The following MAST4 variants were observed in gnomAD, a reference collection of about 807,000 sequenced individuals.
The protein encoded by MAST4 is microtubule-associated serine/threonine-protein kinase 4.
A neutral mutation model predicts 162.7 loss-of-function variants in MAST4; 89 were observed. The observed-to-expected ratio is 0.55, with a 90% CI of 0.46 to 0.65. The LOEUF is 0.65. MAST4 is among the 30% of genes least tolerant of loss of function. MAST4 has a pLI of 0.00. For missense variants in MAST4, 3,153 were observed against 3,374.0 expected (o/e 0.93, Z 1.62); for synonymous variants, 1,479 against 1,361.1 (o/e 1.09, Z -1.91).
intron 1 of MAST4, among the ~76,000 whole-genome samples, chr5:66,615,419 A>G (rs578019260): frequency 7.2e-5 from 11 of 152,286 alleles, no homozygotes; most frequent in Non-Finnish European, 1.6e-4. Flanking sequence ...TTTTGGCAGC[A>G]AGCACAACAG....
intron 4 of MAST4, among the ~76,000 whole-genome samples, chr5:67,019,025 T>A (rs1310218871): frequency 6.6e-6 from 1 of 152,210 alleles, no homozygotes; most frequent in Non-Finnish European, 1.5e-5. Context: ...CACACATGTG[T>A]GCATGCATAC....
At chr5:66,670,100 G>A (rs1046081494) in intron 1 of MAST4, among the ~76,000 whole-genome samples, 11 of 152,322 alleles carry the variant, frequency 7.2e-5, no homozygotes, top group Non-Finnish European at 1.0e-4. Flanking sequence ...CGAAGGTGTG[G>A]CAATTAACCT....
At chr5:67,047,950 G>T (rs573661453) in intron 4 of MAST4, among the ~76,000 whole-genome samples, 1 of 152,294 alleles carries the variant, frequency 6.6e-6, no homozygotes, top group East Asian at 1.9e-4. Context: ...TGCCTAGAAA[G>T]AAAGGGTCGA....
At chr5:67,104,650 T>G in intron 10 of MAST4, 75 bp downstream of exon 10, 1 of 1,189,168 alleles carries the variant, frequency 8.4e-7, no homozygotes, top group Admixed American at 2.2e-5. Context: ...TGCTTACAAG[T>G]TATAACCATG....
intron 13 of MAST4, among the ~76,000 whole-genome samples, chr5:67,120,418 AT>A (rs1349728297): frequency 6.6e-6 from 1 of 152,210 alleles, no homozygotes; most frequent in African/African-American, 2.4e-5. Context: ...GCATGAGAGA[AT>A]TTTTTTAAAG....
intron 3 of MAST4, among the ~76,000 whole-genome samples, chr5:66,830,349 A>C (rs1757517473): frequency 6.6e-6 from 1 of 152,146 alleles, no homozygotes; most frequent in Non-Finnish European, 1.5e-5. Context: ...TGTGAGGGGC[A>C]TGGTTTTCAT....
At chr5:66,942,591 TG>T (rs1254145346) in intron 4 of MAST4, among the ~76,000 whole-genome samples, 2 of 152,142 alleles carry the variant, frequency 1.3e-5, no homozygotes, top group Admixed American at 1.3e-4. Context: ...TATGAGAATG[TG>T]GGTGAAAGAG....
At chr5:66,802,860 G>GTGTAAT in intron 3 of MAST4, among the ~76,000 whole-genome samples, 1 of 152,120 alleles carries the variant, frequency 6.6e-6, no homozygotes. Flanking sequence ...AATGACCACT[G>GTGTAAT]TGTAATTCTG....
At chr5:66,759,604 A>C in intron 1 of MAST4, 105 bp from the exon 2 acceptor site, 1 of 1,383,810 alleles carries the variant, frequency 7.2e-7, no homozygotes, top group Non-Finnish European at 9.9e-7. Context: ...GGGAGAATGG[A>C]GTTTGAGAAG....
At chr5:67,161,024 C>T (rs1416326845) in intron 27 of MAST4, among the ~76,000 whole-genome samples, 5 of 152,116 alleles carry the variant, frequency 3.3e-5, no homozygotes, top group African/African-American at 1.2e-4. Flanking sequence ...TTAAAGGTTC[C>T]GAATAAGCCT....
intron 11 of MAST4, among the ~76,000 whole-genome samples, chr5:67,112,777 A>C (rs1766400271): frequency 6.6e-6 from 1 of 152,108 alleles, no homozygotes; most frequent in South Asian, 2.1e-4. Context: ...GCTTCATTAC[A>C]TAGGCATGTT....
At chr5:66,791,277 G>C (rs1755392191) in intron 3 of MAST4, among the ~76,000 whole-genome samples, 1 of 152,214 alleles carries the variant, frequency 6.6e-6, no homozygotes, top group Non-Finnish European at 1.5e-5. Context: ...GCCTGCTTTG[G>C]CCTCCCAAAG....
At chr5:66,813,148 TC>T (rs1421143734) in intron 3 of MAST4, among the ~76,000 whole-genome samples, 2 of 152,220 alleles carry the variant, frequency 1.3e-5, no homozygotes, top group African/African-American at 4.8e-5. Flanking sequence ...GAAATCTTGC[TC>T]AATATATAGT....
At chr5:67,025,943 C>G (rs908655391) in intron 4 of MAST4, among the ~76,000 whole-genome samples, 1 of 152,126 alleles carries the variant, frequency 6.6e-6, no homozygotes, top group African/African-American at 2.4e-5. Context: ...GCATGCTTTT[C>G]CCTAATTAAA....
At position 67,166,934 on chromosome 5, in the gene MAST4, A is replaced by G. The variant is rs750920060; in HGVS notation, c.7755A>G (p.Pro2585=). Residue 2585 remains proline (P), a synonymous_variant, in exon 29 of 29, where the codon CCA becomes CCG. Transcript: ENST00000403625. The part of the protein sequence containing the change: ...KQNVGRDVTK[P]SPAPNTDRPI... ...ACGTGGGCAGAGACGTGACCAAGCCATCCCCAGCCCCAAACACTGACCGCC... is the reference window on the plus strand; with the variant it reads ...ACGTGGGCAGAGACGTGACCAAGCCGTCCCCAGCCCCAAACACTGACCGCC... 3 of 1,612,128 alleles carry G rather than the reference A, an allele frequency of 1.9e-6. No homozygotes were observed. Among genetic ancestry groups the G allele is most frequent in the Non-Finnish European group, 2.5e-6 (3 of 1,179,528 alleles).
intron 4 of MAST4, among the ~76,000 whole-genome samples, chr5:66,952,509 A>T (rs558185464): frequency 6.6e-6 from 1 of 152,224 alleles, no homozygotes; most frequent in East Asian, 1.9e-4. Flanking sequence ...ATCATATAGA[A>T]CATAAATCTG....
intron 3 of MAST4, among the ~76,000 whole-genome samples, chr5:66,827,861 G>A (rs754756042): frequency 2.5e-4 from 38 of 152,170 alleles, no homozygotes; most frequent in Non-Finnish European, 5.1e-4. Flanking sequence ...AATTTATTAT[G>A]AATTGGTAGT....
chr5:67,134,703 G>A lies in MAST4; in HGVS notation c.2392+15G>A. The stretch of plus-strand genomic sequence containing the variant: ...AGTCATCAGTGGTAAATATCATCAG[G>A]AGTTATCTTTAGGTCACTGTTGGGA... On this transcript the variant is annotated intron_variant, in intron 18 of 28. Coordinates refer to ENST00000403625, the MANE Select transcript of MAST4 (RefSeq NM_001164664.2). The A allele has an allele frequency of 6.2e-7, 1 of 1,601,938 alleles. No individual in the cohort carries two copies. The highest frequency in any genetic ancestry group is 1.1e-5 in the South Asian group (1 of 89,748).
chr5:66,922,773 A>G (rs1247974638), intron 4 of MAST4, among the ~76,000 whole-genome samples: 3 of 152,206 alleles, frequency 2.0e-5, no homozygotes, highest in Non-Finnish European at 2.9e-5. Context: ...AGTAGTGAAA[A>G]AAAAGTCAAA....
Sources: gnomAD v4.1 joint callset for allele counts (sites outside exome capture counted in the v4.1 genomes callset) on GRCh38, gnomAD v4.1.1 for gene constraint, MANE v1.5 for transcripts, NCBI Gene and HGNC (gene_info 2026-07-23, HGNC 2026-07-21) for gene names.